The following ARHGAP17 variants were observed in gnomAD, a reference collection of about 807,000 sequenced individuals.
The protein encoded by ARHGAP17 is rho GTPase-activating protein 17.
ARHGAP17 carries 57 observed loss-of-function variants against 99.5 expected under a neutral mutation model. That is an observed-to-expected ratio of 0.57 (90% CI 0.46 to 0.71). ARHGAP17 has a LOEUF of 0.71. Among genes scored for constraint, ARHGAP17 ranks in the 30% least tolerant of loss-of-function variants. ARHGAP17 has a pLI of 0.00. For synonymous variants in ARHGAP17, 417 were observed against 429.6 expected (o/e 0.97, Z 0.36); for missense variants, 1,000 against 1,122.4 (o/e 0.89, Z 1.56).
At chr16:24,968,823 C>A in intron 4 of ARHGAP17, 51 bp from the exon 5 acceptor site, 1 of 1,574,274 alleles carries the variant, frequency 6.4e-7, no homozygotes, top group Non-Finnish European at 8.7e-7. Context: ...AAATCAGGCA[C>A]TGGATTATCG....
At chr16:24,932,513 C>T (rs1233621086) in intron 18 of ARHGAP17, among the ~76,000 whole-genome samples, 1 of 152,040 alleles carries the variant, frequency 6.6e-6, no homozygotes, top group Non-Finnish European at 1.5e-5. Context: ...CTAGTTCACC[C>T]TGATATAACA....
intron 1 of ARHGAP17, among the ~76,000 whole-genome samples, chr16:25,014,559 T>C (rs2053730191): frequency 6.6e-6 from 1 of 152,224 alleles, no homozygotes; most frequent in South Asian, 2.1e-4. Context: ...ATAATCCTTT[T>C]CCGCCAATTC....
Position 24,968,723 on chromosome 16 carries a change from G to A in ARHGAP17, c.322C>T (p.Leu108Phe). ...GDAENQLALE[L>F]SQHEVFVEKE... ...TCAACAAAGACTTCGTGCTGGGAGA[G>A]CTCGAGAGCCAGCTGATTCTCAGCA... The change falls in exon 5 of 20, where the codon CTC becomes TTC. Residue 108 changes from leucine to phenylalanine, a missense_variant. By Grantham distance (22) the Leu-to-Phe change is conservative. Transcript: ENST00000289968. 1 of 1,614,214 alleles carries A rather than the reference G, an allele frequency of 6.2e-7. No homozygotes were observed. Among genetic ancestry groups the A allele is most frequent in the Non-Finnish European group, 8.5e-7 (1 of 1,180,046 alleles).
chr16:24,921,440 C>T (rs1347081074), intron 19 of ARHGAP17, among the ~76,000 whole-genome samples: 2 of 152,148 alleles, frequency 1.3e-5, no homozygotes. Flanking sequence ...GAGCTGCTTT[C>T]CCCTACTTGC....
In ARHGAP17 at chr16:24,930,849, C is replaced by A. The variant is rs139518593; in HGVS notation, c.2450G>T (p.Gly817Val). 9.3e-6 allele frequency: 15 copies of A among 1,613,906 alleles called. No individual in the cohort carries two copies. In the African/African-American group the frequency reaches 1.6e-4, roughly 17 times the overall value. ...GCTGCTGTCCCCAGCTGAGTGGACA[C>A]CAGGAGGTTGGGGGGGTGGGGGCAC... ...PSVPPPPQPP[G>V]VHSAGDSSLT... Residue 817 changes from glycine (G) to valine (V), a missense_variant, in exon 19 of 20, where the codon GGT becomes GTT. By Grantham distance (109) the Gly-to-Val change is moderately radical (BLOSUM62 -3). Transcript: ENST00000289968.
intron 16 of ARHGAP17, among the ~76,000 whole-genome samples, chr16:24,941,392 T>G (rs1189605012): frequency 1.3e-5 from 2 of 152,190 alleles, no homozygotes. Context: ...TTAATCACCC[T>G]TGAAAATCCC....
intron 1 of ARHGAP17, among the ~76,000 whole-genome samples, chr16:24,990,891 G>A (rs1411745741): frequency 6.6e-6 from 1 of 151,574 alleles, no homozygotes; most frequent in African/African-American, 2.4e-5. Flanking sequence ...CAGCAGGACA[G>A]ACTAGAAGGG....
Position 24,970,501 on chromosome 16 carries a change from T to C in ARHGAP17, c.272+6A>G. Reference sequence around the variant, plus strand: ...CACTTGGCACTCTGAAGGCAGCAACTCTTACCCCAGGAGAGAGTCTTCCAG... The same window carrying C: ...CACTTGGCACTCTGAAGGCAGCAACCCTTACCCCAGGAGAGAGTCTTCCAG... On this transcript the variant is annotated splice_donor_region_variant and intron_variant, in intron 4 of 19. Coordinates refer to ENST00000289968, the MANE Select transcript of ARHGAP17 (RefSeq NM_001006634.3). 3 of 1,613,952 alleles carry C rather than the reference T, an allele frequency of 1.9e-6. No homozygotes were observed. The highest frequency in any genetic ancestry group is 2.5e-6 in the Non-Finnish European group (3 of 1,179,826).
intron 18 of ARHGAP17, among the ~76,000 whole-genome samples, chr16:24,933,314 G>A (rs376802386): frequency 2.5e-4 from 38 of 151,798 alleles, no homozygotes; most frequent in African/African-American, 7.7e-4. Flanking sequence ...GTGAGACCCC[G>A]ACTCTACAAA....
intron 16 of ARHGAP17, 172 bp downstream of exon 16, chr16:24,941,815 T>G: frequency 6.3e-6 from 5 of 789,922 alleles, no homozygotes; most frequent in Non-Finnish European, 1.0e-5. Flanking sequence ...GACTTTATGG[T>G]GAGATTAGTG....
rs1458390725 is a variant in ARHGAP17 at position 24,959,907 on chromosome 16, T to G, written c.642+4A>C. ...TTAACATTTTCTCAAGGGAAGGTGCTTACCGTAACAAAGAATTTGCCATAC... is the reference window on the plus strand; with the variant it reads ...TTAACATTTTCTCAAGGGAAGGTGCGTACCGTAACAAAGAATTTGCCATAC... On this transcript the variant is annotated splice_donor_region_variant and intron_variant, in intron 8 of 19. Coordinates refer to ENST00000289968, the MANE Select transcript of ARHGAP17 (RefSeq NM_001006634.3). The G allele has an allele frequency of 1.1e-5, 17 of 1,613,792 alleles. No individual in the cohort carries two copies. The highest frequency in any genetic ancestry group is 1.4e-5 in the Non-Finnish European group (17 of 1,179,824).
intron 1 of ARHGAP17, among the ~76,000 whole-genome samples, chr16:24,996,618 G>A (rs1437684411): frequency 1.3e-5 from 2 of 152,136 alleles, no homozygotes; most frequent in African/African-American, 2.4e-5. Context: ...TTGTAGGTGG[G>A]TGAAGTGGCT....
intron 14 of ARHGAP17, 112 bp downstream of exon 14, chr16:24,947,370 C>T (rs996765322): frequency 2.0e-6 from 2 of 990,438 alleles, no homozygotes; most frequent in South Asian, 3.2e-5. Flanking sequence ...AAACCAACTT[C>T]AGAATACCTT....
At chr16:24,995,611 T>C (rs2053170322) in intron 1 of ARHGAP17, among the ~76,000 whole-genome samples, 1 of 152,132 alleles carries the variant, frequency 6.6e-6, no homozygotes, top group South Asian at 2.1e-4. Context: ...GGCCTTGTAC[T>C]GAGTAGGAGC....
At chr16:24,937,149 C>A (rs1451515996) in intron 17 of ARHGAP17, among the ~76,000 whole-genome samples, 1 of 148,172 alleles carries the variant, frequency 6.7e-6, no homozygotes, top group Non-Finnish European at 1.5e-5. Flanking sequence ...CAGGCCGGGG[C>A]AGTAGCTCAC....
chr16:24,962,362 A>C (rs1246066298), intron 7 of ARHGAP17, among the ~76,000 whole-genome samples: 1 of 152,210 alleles, frequency 6.6e-6, no homozygotes, highest in African/African-American at 2.4e-5. Context: ...ACTCTCAACG[A>C]AACAACAGAT....
intron 14 of ARHGAP17, 39 bp downstream of exon 14, chr16:24,947,443 A>AAAG (rs779307423): frequency 5.2e-6 from 8 of 1,541,732 alleles, no homozygotes; most frequent in Non-Finnish European, 7.2e-6. Context: ...ATCAGGTGGG[A>AAAG]AAGAAGAAAT....
At chr16:24,976,375 A>T (rs185876214) in intron 3 of ARHGAP17, among the ~76,000 whole-genome samples, 4 of 152,196 alleles carry the variant, frequency 2.6e-5, no homozygotes, top group Admixed American at 6.5e-5. Flanking sequence ...AAAAAAATTT[A>T]AAAAATTAGC....
intron 1 of ARHGAP17, among the ~76,000 whole-genome samples, chr16:24,992,244 G>A (rs887569132): frequency 2.0e-5 from 3 of 152,172 alleles, no homozygotes; most frequent in Admixed American, 6.5e-5. Flanking sequence ...GGAACTCCTG[G>A]AGCCCTCTGT....
Sources: allele counts gnomAD v4.1 joint callset (sites outside exome capture counted in the v4.1 genomes callset), GRCh38; gene constraint gnomAD v4.1.1; transcripts MANE v1.5; gene names NCBI Gene and HGNC (gene_info 2026-07-23, HGNC 2026-07-21).